YBEY: variants seen among roughly 807,000 people sequenced by gnomAD.
YBEY encodes the protein ybeY metalloendoribonuclease.
A neutral mutation model predicts 13.5 loss-of-function variants in YBEY; 15 were observed. That is an observed-to-expected ratio of 1.11 (90% CI 0.75 to 1.72). YBEY has a LOEUF of 1.72. YBEY is among the 40% of genes most tolerant of loss of function. The pLI is 0.00. For synonymous variants in YBEY, 101 were observed against 83.1 expected, an observed-to-expected ratio of 1.21 and a Z score of -1.17; for missense variants, 244 against 208.4, an observed-to-expected ratio of 1.17 and a Z score of -1.05.
At chr21:46,305,655 C>A in the YBEY span, among the ~76,000 whole-genome samples, 1 of 152,056 alleles carries the variant, frequency 6.6e-6, no homozygotes, top group African/African-American at 2.4e-5. Flanking sequence ...AAAAAAGAAT[C>A]TTGGCCGGGC....
intron 3 of YBEY, chr21:46,292,322 G>C (rs201171074): frequency 6.6e-6 from 1 of 152,246 alleles, no homozygotes; most frequent in African/African-American, 2.4e-5. Flanking sequence ...GGGAAGCAAG[G>C]CCTGCGGGCT....
At chr21:46,292,365 A>T (rs1040891985) in intron 3 of YBEY, among the ~76,000 whole-genome samples, 3 of 152,232 alleles carry the variant, frequency 2.0e-5, no homozygotes. Context: ...TCTGAGCAGA[A>T]TTCAGGCCCC....
chr21:46,288,657 G>A (rs1343888334), intron 2 of YBEY, among the ~76,000 whole-genome samples: 9 of 149,750 alleles, frequency 6.0e-5, no homozygotes, highest in Admixed American at 2.7e-4. Flanking sequence ...CCAGCCTGGC[G>A]ACAGAGCGAG....
At chr21:46,295,705 G>A (rs1789161242) in intron 3 of YBEY, among the ~76,000 whole-genome samples, 1 of 97,798 alleles carries the variant, frequency 1.0e-5, no homozygotes, top group Non-Finnish European at 2.1e-5. Context: ...AGTAAAATCA[G>A]GGGCCACCGG....
chr21:46,303,373 A>G, the YBEY span, among the ~76,000 whole-genome samples: 3 of 151,878 alleles, frequency 2.0e-5, no homozygotes, highest in Admixed American at 6.6e-5. Flanking sequence ...CTGTTCATCT[A>G]CAGACACCAT....
chr21:46,301,577 G>T (rs2082109757), downstream of YBEY: 3 of 996,706 alleles, frequency 3.0e-6, no homozygotes, highest in Non-Finnish European at 3.6e-6. Flanking sequence ...TTTCTGTTCT[G>T]GCTCCTGAGC....
downstream of YBEY, among the ~76,000 whole-genome samples, chr21:46,299,361 C>A (rs1334181416): frequency 2.0e-5 from 3 of 152,166 alleles, no homozygotes; most frequent in Non-Finnish European, 2.9e-5. Flanking sequence ...AGCAGCATCA[C>A]CTGTTGCAGG....
chr21:46,302,287 G>A (rs1234449233), downstream of YBEY: 4 of 1,388,762 alleles, frequency 2.9e-6, no homozygotes, highest in African/African-American at 2.9e-5. Context: ...TCCCAGAGGA[G>A]GCTCCTCCCC....
intron 3 of YBEY, among the ~76,000 whole-genome samples, chr21:46,295,366 C>T (rs2081916542): frequency 6.6e-6 from 1 of 152,022 alleles, no homozygotes; most frequent in African/African-American, 2.4e-5. Context: ...GGATACCCAC[C>T]TCCCAGACCT....
chr21:46,303,757 T>TATATATAAA, the YBEY span, among the ~76,000 whole-genome samples: 1 of 82,222 alleles, frequency 1.2e-5, no homozygotes, highest in East Asian at 4.0e-4. Flanking sequence ...TTTTTTTTTT[T>TATATATAAA]TTTTTTTTTT....
intron 2 of YBEY, among the ~76,000 whole-genome samples, chr21:46,290,974 G>A (rs1316916777): frequency 6.6e-6 from 1 of 150,736 alleles, no homozygotes; most frequent in Non-Finnish European, 1.5e-5. Context: ...GAACCCAGGA[G>A]GCGGACACTC....
chr21:46,296,996 CAAAAAG>C (rs893078795), intron 4 of YBEY, among the ~76,000 whole-genome samples: 8 of 137,304 alleles, frequency 5.8e-5, no homozygotes, highest in Admixed American at 7.5e-5. Flanking sequence ...AAGTCCGTCT[CAAAAAG>C]AAAAAGAAAA....
At chr21:46,296,350 G>A (rs1315655735) in intron 4 of YBEY, 120 bp downstream of exon 4, 6 of 1,087,848 alleles carry the variant, frequency 5.5e-6, no homozygotes, top group South Asian at 2.7e-5. Context: ...CCTCAGACCT[G>A]CCCTTGTAAA....
the YBEY span, among the ~76,000 whole-genome samples, chr21:46,304,367 G>C: frequency 6.6e-6 from 1 of 151,698 alleles, no homozygotes; most frequent in Non-Finnish European, 1.5e-5. Flanking sequence ...TGTGCCTGTA[G>C]TCCCAGCTAC....
intron 1 of YBEY, 42 bp downstream of exon 1, chr21:46,286,457 G>A: frequency 6.2e-6 from 1 of 160,640 alleles, no homozygotes; most frequent in Non-Finnish European, 1.4e-5. Flanking sequence ...CGAGAGCGTC[G>A]CATTCACCCG....
At chr21:46,304,219 A>G in the YBEY span, among the ~76,000 whole-genome samples, 1 of 151,266 alleles carries the variant, frequency 6.6e-6, no homozygotes, top group Admixed American at 6.6e-5. Context: ...TTTAGTAGAG[A>G]TGGGGTTTCA....
chr21:46,305,678 G>A, the YBEY span, among the ~76,000 whole-genome samples: 3 of 152,240 alleles, frequency 2.0e-5, no homozygotes, highest in Middle Eastern at 3.4e-3. Context: ...GGTGGCTCAC[G>A]CCTGTAATCC....
At chr21:46,301,525 A>C (rs1247221409), downstream of YBEY, 5 of 985,924 alleles carry the variant, frequency 5.1e-6, no homozygotes, top group African/African-American at 3.5e-5. Context: ...TATTTTCCCC[A>C]TCAGGATGTT....
the YBEY span, among the ~76,000 whole-genome samples, chr21:46,305,327 CT>C: frequency 0.045 from 4,958 of 109,074 alleles, 91 homozygotes; most frequent in African/African-American, 0.14. Context: ...ACAAATTAAT[CT>C]TTTTTTTTTT....
Sources: gnomAD v4.1 joint callset for allele counts (sites outside exome capture counted in the v4.1 genomes callset) on GRCh38, gnomAD v4.1.1 for gene constraint, MANE v1.5 for transcripts, NCBI Gene and HGNC (gene_info 2026-07-23, HGNC 2026-07-21) for gene names.